The following CAMK1D variants were observed in gnomAD, a reference collection of about 807,000 sequenced individuals.
CAMK1D encodes the protein calcium/calmodulin dependent protein kinase ID.
A neutral mutation model predicts 47.7 loss-of-function variants in CAMK1D; 9 were observed. That is an observed-to-expected ratio of 0.19 (90% CI 0.11 to 0.33). CAMK1D has a LOEUF of 0.33. Among genes scored for constraint, CAMK1D ranks in the 10% least tolerant of loss-of-function variants. The pLI, the probability that CAMK1D is intolerant of heterozygous loss-of-function variation, is 1.00. For synonymous variants in CAMK1D, 184 were observed against 184.9 expected (o/e 0.99, Z 0.04); for missense variants, 291 against 488.7 (o/e 0.60, Z 3.81).
intron 1 of CAMK1D, among the ~76,000 whole-genome samples, chr10:12,430,635 T>C (rs1387488370): frequency 1.3e-5 from 2 of 152,204 alleles, no homozygotes; most frequent in African/African-American, 4.8e-5. Flanking sequence ...ACACGCTTCC[T>C]TAGGGCAGAG....
intron 8 of CAMK1D, among the ~76,000 whole-genome samples, chr10:12,818,238 C>A (rs1588964693): frequency 6.6e-6 from 1 of 152,328 alleles, no homozygotes; most frequent in East Asian, 1.9e-4. Context: ...CCCCATTTCA[C>A]AGTATTTCAG....
Position 12,825,575 on chromosome 10 carries a change from A to C in CAMK1D, c.924A>C (p.Gln308His). 1 of 1,601,630 alleles carries C rather than the reference A, an allele frequency of 6.2e-7. No homozygotes were observed. The highest frequency in any genetic ancestry group is 8.5e-7 in the Non-Finnish European group (1 of 1,176,064). The stretch of plus-strand genomic sequence containing the variant: ...TTTTTTCCTTTCTGAAATTTCAGCA[A>C]GCATTTAATGCCACGGCCGTCGTCA... ...RKNFAKSKWR[Q>H]AFNATAVVRH... The change falls in exon 10 of 11, where the codon CAA becomes CAC. Residue 308 changes from glutamine to histidine, a missense_variant and splice_region_variant. Gln to His is a conservative substitution (Grantham distance 24, BLOSUM62 0). Transcript: ENST00000619168.
intron 3 of CAMK1D, among the ~76,000 whole-genome samples, chr10:12,696,299 G>A (rs1020738961): frequency 2.6e-5 from 4 of 152,050 alleles, no homozygotes; most frequent in Non-Finnish European, 5.9e-5. Flanking sequence ...CACTTTGAGA[G>A]GCCGAGGTGG....
intron 1 of CAMK1D, among the ~76,000 whole-genome samples, chr10:12,464,213 C>G (rs7085366): frequency 0.27 from 41,244 of 152,066 alleles, 6,311 homozygotes; most frequent in Non-Finnish European, 0.34. Flanking sequence ...TGTTGAGTGA[C>G]TAGGTAAGAA....
intron 2 of CAMK1D, among the ~76,000 whole-genome samples, chr10:12,557,044 G>C (rs546373165): frequency 6.6e-6 from 1 of 152,160 alleles, no homozygotes; most frequent in Non-Finnish European, 1.5e-5. Context: ...GAGGGCTGCC[G>C]AGTTTCTGAC....
chr10:12,666,269 G>A (rs1351142702), intron 2 of CAMK1D, among the ~76,000 whole-genome samples: 2 of 152,042 alleles, frequency 1.3e-5, no homozygotes, highest in Non-Finnish European at 2.9e-5. Flanking sequence ...CTGTTCCCTG[G>A]AACATATATA....
chr10:12,780,108 G>A (rs965364098), intron 5 of CAMK1D, among the ~76,000 whole-genome samples: 2 of 152,126 alleles, frequency 1.3e-5, no homozygotes, highest in African/African-American at 4.8e-5. Flanking sequence ...AACATTCTCG[G>A]TGTATTTTTT....
intron 2 of CAMK1D, among the ~76,000 whole-genome samples, chr10:12,590,072 C>T (rs780296721): frequency 1.1e-4 from 16 of 152,114 alleles, no homozygotes; most frequent in Admixed American, 6.5e-5. Flanking sequence ...GTAGGGAGGC[C>T]GTGCAGCCTG....
intron 1 of CAMK1D, among the ~76,000 whole-genome samples, chr10:12,352,008 A>T (rs1464548737): frequency 6.6e-6 from 1 of 152,210 alleles, no homozygotes; most frequent in Non-Finnish European, 1.5e-5. Flanking sequence ...TATACCCAGG[A>T]TCAGGTATTA....
At chr10:12,760,840 A>G (rs1836468787) in intron 3 of CAMK1D, 108 bp from the exon 4 acceptor site, 1 of 1,238,346 alleles carries the variant, frequency 8.1e-7, no homozygotes, top group Non-Finnish European at 1.2e-6. Context: ...CTCAATCTGA[A>G]GATGGATTCA....
intron 3 of CAMK1D, among the ~76,000 whole-genome samples, chr10:12,743,878 C>T (rs991527174): frequency 1.3e-5 from 2 of 152,122 alleles, no homozygotes; most frequent in Non-Finnish European, 2.9e-5. Context: ...CAGAAATTAG[C>T]TGGATGTGGT....
chr10:12,811,252 T>C (rs1248756271), intron 6 of CAMK1D, among the ~76,000 whole-genome samples: 6 of 152,234 alleles, frequency 3.9e-5, no homozygotes, highest in African/African-American at 9.6e-5. Context: ...TCTGGAACAT[T>C]CGTTAACAAC....
intron 1 of CAMK1D, among the ~76,000 whole-genome samples, chr10:12,531,687 A>C (rs1259359119): frequency 6.6e-6 from 1 of 152,236 alleles, no homozygotes; most frequent in Non-Finnish European, 1.5e-5. Context: ...TGAGAAGTAC[A>C]AAATGCAGAC....
chr10:12,641,015 G>A (rs1316025342), intron 2 of CAMK1D, among the ~76,000 whole-genome samples: 1 of 152,114 alleles, frequency 6.6e-6, no homozygotes, highest in African/African-American at 2.4e-5. Context: ...CTGGAGTGCA[G>A]TGGTGTGATC....
At chr10:12,702,531 T>A (rs1833563982) in intron 3 of CAMK1D, among the ~76,000 whole-genome samples, 1 of 152,194 alleles carries the variant, frequency 6.6e-6, no homozygotes, top group South Asian at 2.1e-4. Flanking sequence ...TTCCTAGGAA[T>A]AACAGTAGCT....
At chr10:12,785,162 G>C (rs1451935645) in intron 5 of CAMK1D, among the ~76,000 whole-genome samples, 1 of 152,218 alleles carries the variant, frequency 6.6e-6, no homozygotes, top group African/African-American at 2.4e-5. Flanking sequence ...GTGCCGACTG[G>C]CTTGCATAGG....
At position 12,444,471 on chromosome 10, in the gene CAMK1D, A is replaced by G. The variant is rs1236125430; in HGVS notation, c.92+94561A>G. ...AGCCAAATATCAATGACCAAGGCCT[A>G]TGATACAGCCCCAGGACGTCCTGTG... On this transcript the variant is annotated intron_variant, in intron 1 of 10. Transcript: ENST00000619168. 2.0e-5 allele frequency among the ~76,000 whole-genome samples: 3 copies of G among 152,226 alleles called. No homozygotes were observed. The East Asian group carries it at 5.8e-4, about 29-fold the overall frequency.
intron 1 of CAMK1D, among the ~76,000 whole-genome samples, chr10:12,515,542 A>G (rs1414768636): frequency 5.1e-5 from 7 of 138,084 alleles, no homozygotes; most frequent in African/African-American, 1.9e-4. Flanking sequence ...AGCATTAGGT[A>G]TATCTCCCAA....
intron 3 of CAMK1D, among the ~76,000 whole-genome samples, chr10:12,758,997 G>A (rs1390556302): frequency 6.6e-6 from 1 of 152,260 alleles, no homozygotes; most frequent in Non-Finnish European, 1.5e-5. Flanking sequence ...CACTGGGCAT[G>A]CTCACTGGCA....
Sources: allele counts gnomAD v4.1 joint callset (sites outside exome capture counted in the v4.1 genomes callset), GRCh38; gene constraint gnomAD v4.1.1; transcripts MANE v1.5; gene names NCBI Gene and HGNC (gene_info 2026-07-23, HGNC 2026-07-21).